Variants in MLPH observed in about 807,000 individuals in gnomAD.
MLPH encodes exophilin-3.
Under a neutral mutation model 72.1 loss-of-function variants are expected in MLPH, and 51 were observed. The observed-to-expected ratio is 0.71, with a 90% CI of 0.56 to 0.89. The LOEUF (loss-of-function observed/expected upper bound fraction) is 0.89. Ranked by LOEUF, MLPH falls within the 40% of genes least tolerant of loss-of-function variation. MLPH has a pLI of 0.00. For missense variants in MLPH, 743 were observed against 759.9 expected, an observed-to-expected ratio of 0.98 and a Z score of 0.26; for synonymous variants, 301 against 310.1, an observed-to-expected ratio of 0.97 and a Z score of 0.31.
intron 2 of MLPH, among the ~76,000 whole-genome samples, chr2:237,509,771 G>A (rs992678390): frequency 6.6e-6 from 1 of 152,056 alleles, no homozygotes; most frequent in African/African-American, 2.4e-5. Context: ...CCCCTGCCTG[G>A]TGGGACTCCT....
intron 4 of MLPH, chr2:237,518,270 G>A: frequency 3.6e-6 from 2 of 554,602 alleles, no homozygotes; most frequent in Admixed American, 2.3e-5. Context: ...TGGATGGATG[G>A]GCTGCCCATT....
At chr2:237,539,776 T>C (rs2080626821) in intron 9 of MLPH, among the ~76,000 whole-genome samples, 1 of 152,138 alleles carries the variant, frequency 6.6e-6, no homozygotes, top group African/African-American at 2.4e-5. Context: ...AGGGGTTGAG[T>C]GACCTGCCGA....
rs959520744 is a variant in MLPH at position 237,505,923 on chromosome 2, A to G, written c.111-4651A>G. ...CCCCTGCCCCAAGGACAAGGACAGC[A>G]CTTCCCTTCCACCCCCATGCATCCC... On this transcript the variant is annotated intron_variant, in intron 2 of 15. Transcript: ENST00000264605. The surrounding 1 kb of genome is among the most constrained non-coding windows in gnomAD (Gnocchi z 4.5). Among the ~76,000 whole-genome samples the G allele has an allele frequency of 1.3e-5, 2 of 152,106 alleles. No individual in the cohort carries two copies. The highest frequency in any genetic ancestry group is 2.9e-5 in the Non-Finnish European group (2 of 68,010).
At chr2:237,544,988 GAATGGGGAC>G in intron 12 of MLPH, among the ~76,000 whole-genome samples, 3 of 2,814 alleles carry the variant, frequency 1.1e-3, no homozygotes, top group Admixed American at 2.4e-3. Flanking sequence ...GGACAGTGGT[GAATGGGGAC>G]AGTAGTGAGT....
chr2:237,540,166 C>T (rs758857744), intron 9 of MLPH, among the ~76,000 whole-genome samples, 182 bp from the exon 10 acceptor site: 1 of 152,250 alleles, frequency 6.6e-6, no homozygotes, highest in Non-Finnish European at 1.5e-5. Context: ...GAACCTGCTC[C>T]TGGAGTCTGG....
chr2:237,491,107 C>T (rs576977320), intron 1 of MLPH, among the ~76,000 whole-genome samples: 6 of 152,240 alleles, frequency 3.9e-5, no homozygotes, highest in South Asian at 2.1e-4. Context: ...GCAACAAAAT[C>T]GAAGTACGTC....
intron 5 of MLPH, among the ~76,000 whole-genome samples, chr2:237,519,429 T>C (rs1322770620): frequency 1.3e-5 from 2 of 152,134 alleles, no homozygotes; most frequent in African/African-American, 4.8e-5. Flanking sequence ...GTTTAAAGGA[T>C]CAAAAGAATT....
chr2:237,527,781 T>C (rs1485676307), intron 8 of MLPH: 2 of 504,236 alleles, frequency 4.0e-6, no homozygotes, highest in Non-Finnish European at 7.1e-6. Flanking sequence ...CTTCTTGGTA[T>C]ACACCCCAAA....
chr2:237,490,524 T>C (rs1314416503), intron 1 of MLPH, among the ~76,000 whole-genome samples: 1 of 152,174 alleles, frequency 6.6e-6, no homozygotes, highest in Non-Finnish European at 1.5e-5. Flanking sequence ...TTGCTTTTCT[T>C]CCTCACACAT....
In MLPH at chr2:237,552,410, G is replaced by C; in HGVS notation, c.1749G>C (p.Arg583Ser). The part of the protein sequence containing the change: ...GSLTQRNPNA[R>S]KGMASHTFAK... ...TGACACAGAGAAACCCCAACGCGAG[G>C]AAAGGAATGGCCAGCCACACCTTCG... The change falls in exon 15 of 16, where the codon AGG (arginine) becomes AGC (serine). Residue 583 changes from arginine to serine, a missense_variant. Coordinates refer to ENST00000264605, the MANE Select transcript of MLPH (RefSeq NM_024101.7). 1 of 1,614,048 alleles carries C rather than the reference G, an allele frequency of 6.2e-7. No homozygotes were observed. Among genetic ancestry groups the C allele is most frequent in the Non-Finnish European group, 8.5e-7 (1 of 1,180,000 alleles).
intron 6 of MLPH, among the ~76,000 whole-genome samples, chr2:237,522,835 G>A (rs527799807): frequency 5.6e-4 from 85 of 152,318 alleles, no homozygotes; most frequent in African/African-American, 1.7e-3. Context: ...AGGACAGGAG[G>A]AACCATGCTA....
At chr2:237,547,197 C>T (rs114462531) in intron 13 of MLPH, among the ~76,000 whole-genome samples, 16 of 152,394 alleles carry the variant, frequency 1.0e-4, no homozygotes, top group Admixed American at 2.0e-4. Flanking sequence ...ATCTGGGAGA[C>T]ATAGGCGCTG....
Position 237,554,811 on chromosome 2 carries a change from G to A in MLPH, c.*1219G>A, listed in dbSNP as rs1028249584. On this transcript the variant is annotated 3_prime_UTR_variant, in exon 16 of 16. Transcript: ENST00000264605. ...TTTCCAATCTCTCACTTAAAACTAA[G>A]GTTTGAATCTCAAAGTGTTGCTGGG... 6.6e-6 allele frequency: 1 copy of A among 152,166 alleles called. No individual in the cohort carries two copies. Among genetic ancestry groups the A allele is most frequent in the African/African-American group, 2.4e-5 (1 of 41,424 alleles). 9.4% of individuals were successfully genotyped at this position (152,166 alleles called of 1,614,324 possible).
At chr2:237,532,470 C>T (rs1223163890) in intron 8 of MLPH, among the ~76,000 whole-genome samples, 2 of 152,226 alleles carry the variant, frequency 1.3e-5, no homozygotes, top group South Asian at 2.1e-4. Flanking sequence ...CCCTCCGCCC[C>T]CTCACTCCCA....
At position 237,505,975 on chromosome 2, in the gene MLPH, G is replaced by A. The variant is rs1574844146; in HGVS notation, c.111-4599G>A. On this transcript the variant is annotated intron_variant, in intron 2 of 15. Transcript: ENST00000264605. The surrounding 1 kb of genome is among the most constrained non-coding windows in gnomAD (Gnocchi z 4.5). ...GTCTCCAGGGCTCTGTCTCCCCTGGGAGCTCACTTTCTCGGCCTTTGCCAT... is the reference window on the plus strand; with the variant it reads ...GTCTCCAGGGCTCTGTCTCCCCTGGAAGCTCACTTTCTCGGCCTTTGCCAT... Among the ~76,000 whole-genome samples, 1 of 120,102 alleles carries A rather than the reference G, an allele frequency of 8.3e-6. No individual in the cohort carries two copies. Among genetic ancestry groups the A allele is most frequent in the Non-Finnish European group, 1.5e-5 (1 of 67,762 alleles). 78.8% of individuals were successfully genotyped at this position (120,102 alleles called of 152,430 possible).
intron 2 of MLPH, 75 bp downstream of exon 2, chr2:237,493,611 T>A: frequency 2.6e-6 from 3 of 1,150,334 alleles, no homozygotes. Context: ...GGGTGCTGTC[T>A]GGGTGGGTCA....
At chr2:237,534,796 G>A (rs1271749084) in intron 9 of MLPH, 149 bp downstream of exon 9, 1 of 705,346 alleles carries the variant, frequency 1.4e-6, no homozygotes, top group East Asian at 2.7e-5. Context: ...CAGAGAGCCA[G>A]GCAGTTCCCA....
Position 237,512,998 on chromosome 2 carries a change from C to A in MLPH, c.445+1897C>A, listed in dbSNP as rs902850432. Among the ~76,000 whole-genome samples the A allele has an allele frequency of 6.6e-6, 1 of 152,128 alleles. No homozygotes were observed. Among genetic ancestry groups the A allele is most frequent in the African/African-American group, 2.4e-5 (1 of 41,492 alleles). On this transcript the variant is annotated intron_variant, in intron 4 of 15. Coordinates refer to ENST00000264605, the MANE Select transcript of MLPH (RefSeq NM_024101.7). The surrounding 1 kb of genome is among the most constrained non-coding windows in gnomAD (Gnocchi z 5.5). ...TGAACTTGGATTCCCAGCAGCTCCC[C>A]CAAGCGCCCACAGGGGCTGCATTCC...
In MLPH at chr2:237,510,729, G is replaced by A; in HGVS notation, c.266G>A (p.Cys89Tyr). Residue 89 changes from cysteine (C) to tyrosine (Y), a missense_variant, in exon 3 of 16, where the codon TGC (cysteine) becomes TAC (tyrosine). Transcript: ENST00000264605. The surrounding 1 kb of genome is among the most constrained non-coding windows in gnomAD (Gnocchi z 4.4). Reference sequence around the variant, plus strand: ...TGCCTGGAATGTGGCCTCTTCACCTGCAAAAGCTGTGGCCGCGTCCACCCG... The same window carrying A: ...TGCCTGGAATGTGGCCTCTTCACCTACAAAAGCTGTGGCCGCGTCCACCCG... Reference protein sequence around the residue: ...RQCLECGLFTCKSCGRVHPEE... With the variant: ...RQCLECGLFTYKSCGRVHPEE... 1 of 1,613,660 alleles carries A rather than the reference G, an allele frequency of 6.2e-7. No individual in the cohort carries two copies. The highest frequency in any genetic ancestry group is 8.5e-7 in the Non-Finnish European group (1 of 1,180,030).
Sources: gnomAD v4.1 joint callset for allele counts (sites outside exome capture counted in the v4.1 genomes callset) on GRCh38, gnomAD v4.1.1 for gene constraint, Gnocchi (gnomAD v3.1) non-coding constraint, MANE v1.5 for transcripts, NCBI Gene and HGNC (gene_info 2026-07-23, HGNC 2026-07-21) for gene names.